The following ST3GAL3 variants were observed in gnomAD, a reference collection of about 807,000 sequenced individuals.
ST3GAL3 encodes the protein CMP-N-acetylneuraminate-beta-1,4-galactoside alpha-2,3-sialyltransferase.
Under a neutral mutation model 50.1 loss-of-function variants are expected in ST3GAL3, and 21 were observed. The observed-to-expected ratio is 0.42, with a 90% confidence interval of 0.30 to 0.60. The LOEUF is 0.60. Ranked by LOEUF, ST3GAL3 falls within the 20% of genes least tolerant of loss-of-function variation. The pLI is 0.19. For synonymous variants in ST3GAL3, 183 were observed against 190.0 expected (o/e 0.96, Z 0.30); for missense variants, 353 against 489.4 (o/e 0.72, Z 2.63).
intron 2 of ST3GAL3, among the ~76,000 whole-genome samples, chr1:43,760,198 A>G (rs1179217863): frequency 6.6e-6 from 1 of 152,208 alleles, no homozygotes; most frequent in South Asian, 2.1e-4. Flanking sequence ...ACTTCAAGGG[A>G]AACCACTGGC....
intron 3 of ST3GAL3, among the ~76,000 whole-genome samples, chr1:43,813,907 A>T (rs61768443): frequency 1.3e-5 from 1 of 75,926 alleles, no homozygotes; most frequent in South Asian, 3.3e-4. Context: ...ACACACGCAC[A>T]CACACACACA....
intron 1 of ST3GAL3, among the ~76,000 whole-genome samples, chr1:43,710,078 T>G (rs1362972094): frequency 6.6e-6 from 1 of 152,102 alleles, no homozygotes; most frequent in Non-Finnish European, 1.5e-5. Flanking sequence ...CCACACTGTT[T>G]CTGGCATCTG....
chr1:43,862,029 A>T (rs1204750338), intron 5 of ST3GAL3, among the ~76,000 whole-genome samples: 5 of 111,164 alleles, frequency 4.5e-5, no homozygotes, highest in Admixed American at 1.7e-4. Context: ...AATCTGTCTT[A>T]AAAAAAAAAA....
intron 4 of ST3GAL3, among the ~76,000 whole-genome samples, chr1:43,821,179 G>A (rs1327027373): frequency 6.6e-6 from 1 of 152,182 alleles, no homozygotes; most frequent in Admixed American, 6.5e-5. Flanking sequence ...TGAATGGGGA[G>A]GAAGCGAATG....
At position 43,718,185 on chromosome 1, in the gene ST3GAL3, C is replaced by CTTTTTTTTT. The variant is rs57506461; in HGVS notation, c.-31+10506_-31+10514dup. Among the ~76,000 whole-genome samples the CTTTTTTTTT allele has an allele frequency of 3.6e-5, 3 of 83,378 alleles. 1 individual carries two copies. Among genetic ancestry groups the CTTTTTTTTT allele is most frequent in the Non-Finnish European group, 4.3e-5 (2 of 46,290 alleles). 54.7% of individuals were successfully genotyped at this position (83,378 alleles called of 152,430 possible). Reference sequence around the variant, plus strand: ...ACCACGCCCGGCTCTATCATTAAATCTTTTTTTTTTTTTTTTTTTTTTGAG... The same window carrying CTTTTTTTTT: ...ACCACGCCCGGCTCTATCATTAAATCTTTTTTTTTTTTTTTTTTTTTTTTTTTTTTTGAG... On this transcript the variant is annotated intron_variant, in intron 1 of 11. Transcript: ENST00000347631.
intron 1 of ST3GAL3, chr1:43,716,355 T>C (rs776806771): frequency 1.3e-5 from 2 of 152,200 alleles, no homozygotes; most frequent in Non-Finnish European, 2.9e-5. Flanking sequence ...AGAACTCTTA[T>C]AAGCACTTGG....
At chr1:43,798,222 C>T (rs1390106740) in intron 3 of ST3GAL3, among the ~76,000 whole-genome samples, 1 of 152,118 alleles carries the variant, frequency 6.6e-6, no homozygotes, top group African/African-American at 2.4e-5. Context: ...CCCAAGGTAC[C>T]ATCTTCTCTT....
rs192131406 is a variant in ST3GAL3, at chr1:43,920,735, C to T, written c.892-47C>T. 365 of 1,614,014 alleles carry T rather than the reference C, an allele frequency of 2.3e-4. 1 individual carries two copies. In the African/African-American group the frequency reaches 4.5e-3, roughly 20 times the overall value. On this transcript the variant is annotated intron_variant, in intron 10 of 11. Transcript: ENST00000347631. ...TGAAGTCTCAGCTGTCCCAGCCCTC[C>T]AGCTGAACTCTGCATGCCTTCTCTC...
At chr1:43,811,371 GTT>G (rs1345304930) in intron 3 of ST3GAL3, among the ~76,000 whole-genome samples, 2 of 152,194 alleles carry the variant, frequency 1.3e-5, no homozygotes, top group Admixed American at 6.5e-5. Flanking sequence ...CTGACAAATA[GTT>G]AAAGCTGACT....
At chr1:43,731,608 A>G (rs1675908190) in intron 1 of ST3GAL3, among the ~76,000 whole-genome samples, 1 of 147,032 alleles carries the variant, frequency 6.8e-6, no homozygotes, top group Non-Finnish European at 1.5e-5. Context: ...TGTGTTAGCC[A>G]GGATGGTCTC....
At chr1:43,857,469 CTCCTTCCT>C (rs5773815) in intron 5 of ST3GAL3, among the ~76,000 whole-genome samples, 186 of 129,434 alleles carry the variant, frequency 1.4e-3, no homozygotes, top group Non-Finnish European at 2.3e-3. Flanking sequence ...GTGTATTTCC[CTCCTTCCT>C]TCCTTCCTTC....
intron 2 of ST3GAL3, among the ~76,000 whole-genome samples, chr1:43,776,199 C>T (rs7529895): frequency 0.24 from 37,149 of 151,978 alleles, 5,025 homozygotes; most frequent in Non-Finnish European, 0.31. Context: ...AGCCATTTGC[C>T]GTCAGGGCCC....
chr1:43,849,075 A>G (rs979192245), intron 5 of ST3GAL3, among the ~76,000 whole-genome samples: 1 of 152,096 alleles, frequency 6.6e-6, no homozygotes, highest in East Asian at 1.9e-4. Context: ...TTATTGGCAA[A>G]TTGCCCTTCA....
At chr1:43,734,002 C>G (rs188361585) in intron 1 of ST3GAL3, among the ~76,000 whole-genome samples, 1 of 152,024 alleles carries the variant, frequency 6.6e-6, no homozygotes, top group African/African-American at 2.4e-5. Context: ...CCCAGCTACT[C>G]GGGAGGCTGA....
At chr1:43,853,903 A>C (rs2067837082) in intron 5 of ST3GAL3, among the ~76,000 whole-genome samples, 1 of 152,204 alleles carries the variant, frequency 6.6e-6, no homozygotes, top group South Asian at 2.1e-4. Flanking sequence ...ATGAGAAGGT[A>C]CAGGAGACCT....
At chr1:43,764,979 A>G (rs775984096) in intron 2 of ST3GAL3, among the ~76,000 whole-genome samples, 2 of 152,254 alleles carry the variant, frequency 1.3e-5, no homozygotes, top group Non-Finnish European at 2.9e-5. Flanking sequence ...CTTTGAAGCA[A>G]TACTTAAGAA....
intron 3 of ST3GAL3, among the ~76,000 whole-genome samples, chr1:43,804,043 G>A (rs1003435855): frequency 3.9e-5 from 6 of 152,208 alleles, no homozygotes; most frequent in Non-Finnish European, 5.9e-5. Flanking sequence ...GAATATGAGT[G>A]CATATTGTGC....
At chr1:43,763,711 CACTT>C (rs1691437515) in intron 2 of ST3GAL3, among the ~76,000 whole-genome samples, 3 of 152,298 alleles carry the variant, frequency 2.0e-5, no homozygotes, top group Admixed American at 6.5e-5. Context: ...TTCTTCAACT[CACTT>C]ACTAGACCGT....
intron 9 of ST3GAL3, among the ~76,000 whole-genome samples, chr1:43,908,302 G>T (rs1196588979): frequency 6.6e-6 from 1 of 152,114 alleles, no homozygotes; most frequent in Non-Finnish European, 1.5e-5. Context: ...GTATTCTAAA[G>T]AATCCTCCTA....
Sources: gnomAD v4.1 joint callset for allele counts (sites outside exome capture counted in the v4.1 genomes callset) on GRCh38, gnomAD v4.1.1 for gene constraint, MANE v1.5 for transcripts, NCBI Gene and HGNC (gene_info 2026-07-23, HGNC 2026-07-21) for gene names.